DTD1: variants seen among roughly 807,000 people sequenced by gnomAD.
DTD1 encodes the protein D-aminoacyl-tRNA deacylase 1.
DTD1 carries 13 observed loss-of-function variants against 25.6 expected under a neutral mutation model. That is an observed-to-expected ratio of 0.51 (90% CI 0.33 to 0.81). DTD1 has a LOEUF of 0.81. Among genes scored for constraint, DTD1 ranks in the 30% least tolerant of loss-of-function variants. The probability of loss-of-function intolerance (pLI) is 0.02; values close to 1 mark genes in which losing one functional copy is unlikely to be tolerated. For synonymous variants in DTD1, 110 were observed against 103.6 expected, an observed-to-expected ratio of 1.06 and a Z score of -0.37; for missense variants, 193 against 266.4, an observed-to-expected ratio of 0.72 and a Z score of 1.92.
chr20:18,700,501 T>C (rs1568673884), intron 4 of DTD1, among the ~76,000 whole-genome samples: 1 of 152,116 alleles, frequency 6.6e-6, no homozygotes, highest in African/African-American at 2.4e-5. Flanking sequence ...ACCTTTTTTT[T>C]TTTTTAATTT....
At chr20:18,605,829 A>G (rs1203234878) in intron 3 of DTD1, among the ~76,000 whole-genome samples, 10 of 146,278 alleles carry the variant, frequency 6.8e-5, no homozygotes, top group African/African-American at 2.3e-4. Flanking sequence ...AAACCCTAGA[A>G]GAAAACCTAG....
chr20:18,652,238 T>C lies in DTD1; in HGVS notation c.477+24005T>C, dbSNP rs1390662374. 2.6e-5 allele frequency among the ~76,000 whole-genome samples: 4 copies of C among 152,264 alleles called. No homozygotes were observed. The East Asian group carries it at 5.8e-4, about 22-fold the overall frequency. On this transcript the variant is annotated intron_variant, in intron 4 of 5. Coordinates refer to ENST00000377452, the MANE Select transcript of DTD1 (RefSeq NM_080820.6). ...TATATACCCCGTCCTTGAAATTAAG[T>C]GCACTTCTAGGCATTTGGGGGATTC...
intron 4 of DTD1, among the ~76,000 whole-genome samples, chr20:18,738,071 A>C (rs531759887): frequency 2.4e-4 from 36 of 152,152 alleles, no homozygotes; most frequent in Admixed American, 4.6e-4. Context: ...TTTCCAGTGG[A>C]CAGTCAGCCT....
chr20:18,633,807 A>G (rs2060797374), intron 4 of DTD1, among the ~76,000 whole-genome samples: 1 of 152,234 alleles, frequency 6.6e-6, no homozygotes, highest in African/African-American at 2.4e-5. Flanking sequence ...CTGCTGGTGA[A>G]GACTGAGCTG....
intron 4 of DTD1, among the ~76,000 whole-genome samples, chr20:18,660,382 G>A (rs994205218): frequency 9.2e-5 from 14 of 151,956 alleles, no homozygotes; most frequent in Middle Eastern, 3.2e-3. Context: ...AGTACGCTTG[G>A]CAAATTTTTG....
chr20:18,694,659 C>T (rs942039627), intron 4 of DTD1, among the ~76,000 whole-genome samples: 1 of 152,112 alleles, frequency 6.6e-6, no homozygotes, highest in African/African-American at 2.4e-5. Flanking sequence ...CCGGGCCTTC[C>T]GAAATGATTG....
rs145628436 is a variant in DTD1, at chr20:18,596,069, T to C, written c.198T>C (p.Ser66=). 5.3e-5 allele frequency: 86 copies of C among 1,613,878 alleles called. No individual in the cohort carries two copies. In the East Asian group the frequency reaches 1.8e-3, roughly 33 times the overall value. Residue 66 remains serine, a synonymous_variant, in exon 3 of 6, where the codon AGT becomes AGC. Transcript: ENST00000377452. ...AGAGTGGGAAGCACTGGTCGAAGAGTGTGATGGACAAACAGTACGAGATTC... is the reference window on the plus strand; with the variant it reads ...AGAGTGGGAAGCACTGGTCGAAGAGCGTGATGGACAAACAGTACGAGATTC... The part of the protein sequence containing the change: ...EDESGKHWSK[S]VMDKQYEILC...
At chr20:18,592,026 T>A (rs2060591491) in intron 1 of DTD1, among the ~76,000 whole-genome samples, 1 of 152,218 alleles carries the variant, frequency 6.6e-6, no homozygotes, top group Non-Finnish European at 1.5e-5. Context: ...TGTGCTCTGC[T>A]GGGATCTGAA....
At chr20:18,658,189 ATGTGTGTGTGTG>A (rs60197503) in intron 4 of DTD1, among the ~76,000 whole-genome samples, 73 of 146,232 alleles carry the variant, frequency 5.0e-4, no homozygotes, top group South Asian at 2.9e-3. Flanking sequence ...AGAGTCTGAG[ATGTGTGTGTGTG>A]TGTGTGTGTG....
At chr20:18,599,206 G>T (rs561708040) in intron 3 of DTD1, among the ~76,000 whole-genome samples, 12 of 152,118 alleles carry the variant, frequency 7.9e-5, no homozygotes, top group Admixed American at 5.2e-4. Flanking sequence ...ATGGAGTTTT[G>T]CTCTGTTGCC....
At chr20:18,758,780 T>C (rs28875208) in intron 5 of DTD1, among the ~76,000 whole-genome samples, 21,917 of 152,220 alleles carry the variant, frequency 0.14, 1,685 homozygotes, top group Admixed American at 0.2. Flanking sequence ...TAGATGTCTA[T>C]TAGGTCCACT....
intron 4 of DTD1, among the ~76,000 whole-genome samples, chr20:18,681,000 A>G (rs1250481699): frequency 6.6e-6 from 1 of 152,202 alleles, no homozygotes; most frequent in Non-Finnish European, 1.5e-5. Flanking sequence ...TTGGTTCAGA[A>G]TAGTTTTTCG....
chr20:18,679,199 G>T (rs1413724409), intron 4 of DTD1, among the ~76,000 whole-genome samples: 1 of 152,172 alleles, frequency 6.6e-6, no homozygotes, highest in Admixed American at 6.5e-5. Flanking sequence ...ATCTGAAAAG[G>T]CCTGTTGGCC....
At chr20:18,677,956 G>C (rs2060982764) in intron 4 of DTD1, among the ~76,000 whole-genome samples, 1 of 152,212 alleles carries the variant, frequency 6.6e-6, no homozygotes, top group South Asian at 2.1e-4. Context: ...AAAGAGAAGA[G>C]CTCACTTCTA....
intron 4 of DTD1, among the ~76,000 whole-genome samples, chr20:18,682,098 G>A (rs888847885): frequency 3.3e-5 from 5 of 152,186 alleles, no homozygotes; most frequent in Non-Finnish European, 5.9e-5. Flanking sequence ...TTACAAGTGT[G>A]TATTGTAAGC....
intron 1 of DTD1, among the ~76,000 whole-genome samples, chr20:18,593,513 A>G (rs2060598588): frequency 6.6e-6 from 1 of 152,238 alleles, no homozygotes; most frequent in Non-Finnish European, 1.5e-5. Context: ...TTCACTTTAC[A>G]GCTCCCATTC....
intron 4 of DTD1, among the ~76,000 whole-genome samples, chr20:18,646,438 A>G (rs937694288): frequency 6.6e-6 from 1 of 152,114 alleles, no homozygotes; most frequent in African/African-American, 2.4e-5. Context: ...GGCAATACAA[A>G]TGATGCTGAG....
At chr20:18,622,063 C>CA (rs11481961) in intron 3 of DTD1, among the ~76,000 whole-genome samples, 23,460 of 142,412 alleles carry the variant, frequency 0.16, 1,899 homozygotes, top group Admixed American at 0.21. Flanking sequence ...GACTCTGTCT[C>CA]AAAAAAAAAA....
chr20:18,656,403 G>A (rs1190763175), intron 4 of DTD1, among the ~76,000 whole-genome samples: 1 of 152,164 alleles, frequency 6.6e-6, no homozygotes, highest in African/African-American at 2.4e-5. Context: ...GTACTACACG[G>A]TTTGGCAAGA....
Sources: gnomAD v4.1 joint callset for allele counts (sites outside exome capture counted in the v4.1 genomes callset) on GRCh38, gnomAD v4.1.1 for gene constraint, MANE v1.5 for transcripts, NCBI Gene and HGNC (gene_info 2026-07-23, HGNC 2026-07-21) for gene names.